Variants in ANKFN1 observed in about 807,000 individuals in gnomAD.
The protein encoded by ANKFN1 is ankyrin repeat and fibronectin type-III domain-containing protein 1.
In ANKFN1, 74 loss-of-function variants were observed where a neutral mutation model predicts 108.7. The observed-to-expected ratio is 0.68, with a 90% CI of 0.56 to 0.83. ANKFN1 has a LOEUF of 0.83. Ranked by LOEUF, ANKFN1 falls within the 40% of genes least tolerant of loss-of-function variation. The pLI is 0.00. For synonymous variants in ANKFN1, 547 were observed against 516.2 expected (o/e 1.06, Z -0.81); for missense variants, 1,505 against 1,382.3 (o/e 1.09, Z -1.41).
At chr17:56,457,434 T>C in intron 13 of ANKFN1, 45 bp downstream of exon 13, 4 of 1,524,548 alleles carry the variant, frequency 2.6e-6, no homozygotes, top group Non-Finnish European at 3.5e-6. Flanking sequence ...TGTACCAATG[T>C]TACTGCACAA....
chr17:56,144,062 AG>A (rs1908087609), intron 4 of ANKFN1, among the ~76,000 whole-genome samples: 4 of 149,658 alleles, frequency 2.7e-5, no homozygotes, highest in African/African-American at 7.4e-5. Context: ...TTATCACAAG[AG>A]CTGTGTGCTC....
chr17:56,432,902 C>T (rs1203589971), intron 8 of ANKFN1, among the ~76,000 whole-genome samples: 1 of 152,142 alleles, frequency 6.6e-6, no homozygotes, highest in Non-Finnish European at 1.5e-5. Context: ...GATACATCCA[C>T]CTTCCAAAAT....
intron 4 of ANKFN1, among the ~76,000 whole-genome samples, chr17:56,124,776 TG>T (rs1906827000): frequency 6.6e-6 from 1 of 152,242 alleles, no homozygotes; most frequent in Non-Finnish European, 1.5e-5. Flanking sequence ...GGCCTGCCTT[TG>T]GGATTATTCA....
chr17:56,138,634 C>T (rs143208485), intron 4 of ANKFN1, among the ~76,000 whole-genome samples: 2,537 of 151,910 alleles, frequency 0.017, 83 homozygotes, highest in African/African-American at 0.059. Context: ...CTCACCCTCC[C>T]CAATAGCTGG....
At position 56,493,017 on chromosome 17, in the gene ANKFN1, A is replaced by G. The variant is rs536745472; in HGVS notation, c.2427+664A>G. Among the ~76,000 whole-genome samples the G allele has an allele frequency of 3.8e-4, 58 of 152,252 alleles. No individual in the cohort carries two copies. The South Asian group carries it at 0.011, about 29-fold the overall frequency. ...AATCTTTCTGTCCATCAGTTACTCA[A>G]TTCACAAAATGAGTAGAATAGCAAT... On this transcript the variant is annotated intron_variant, in intron 19 of 20. Coordinates refer to ENST00000682825, the MANE Select transcript of ANKFN1 (RefSeq NM_001370326.1).
At chr17:56,063,516 A>G (rs1030138852) in intron 4 of ANKFN1, among the ~76,000 whole-genome samples, 1 of 149,830 alleles carries the variant, frequency 6.7e-6, no homozygotes, top group African/African-American at 2.5e-5. Flanking sequence ...AAACTCTGAT[A>G]TCCTTTCTTC....
chr17:56,203,896 G>A (rs1368544960), intron 1 of ANKFN1, among the ~76,000 whole-genome samples: 3 of 152,184 alleles, frequency 2.0e-5, no homozygotes, highest in Non-Finnish European at 4.4e-5. Flanking sequence ...AGCAAAGGAA[G>A]CTCGTAGTGG....
intron 19 of ANKFN1, among the ~76,000 whole-genome samples, chr17:56,497,399 C>A (rs2051233326): frequency 3.3e-5 from 5 of 152,088 alleles, no homozygotes; most frequent in Admixed American, 3.3e-4. Context: ...ACAGGAGTGG[C>A]AAGAACTAGA....
At chr17:56,320,662 T>C (rs2045338682) in intron 3 of ANKFN1, among the ~76,000 whole-genome samples, 1 of 152,082 alleles carries the variant, frequency 6.6e-6, no homozygotes. Context: ...AAGAAGGCTT[T>C]TCAGAAGCAT....
At chr17:56,100,138 G>A (rs1407245924) in intron 4 of ANKFN1, among the ~76,000 whole-genome samples, 1 of 152,214 alleles carries the variant, frequency 6.6e-6, no homozygotes, top group Non-Finnish European at 1.5e-5. Context: ...CCACAATTCT[G>A]CTGCAAAATG....
At chr17:56,152,258 ATATATG>A (rs1215647438), upstream of ANKFN1, among the ~76,000 whole-genome samples, 410 of 84,472 alleles carry the variant, frequency 4.9e-3, 2 homozygotes, top group African/African-American at 0.013. Flanking sequence ...ATATATATAT[ATATATG>A]TGTGTGTGTG....
At chr17:56,177,043 C>A (rs922480878) in intron 1 of ANKFN1, among the ~76,000 whole-genome samples, 1 of 152,172 alleles carries the variant, frequency 6.6e-6, no homozygotes, top group African/African-American at 2.4e-5. Flanking sequence ...CCAACTTTGC[C>A]CTCCTTGACT....
intron 4 of ANKFN1, among the ~76,000 whole-genome samples, chr17:56,113,279 A>G (rs1906078549): frequency 6.6e-6 from 1 of 152,128 alleles, no homozygotes; most frequent in Non-Finnish European, 1.5e-5. Context: ...TGGGTAATAA[A>G]CCTTCAGATG....
rs1481904350 is a variant in ANKFN1, at chr17:56,499,023, A to G, written c.2569A>G (p.Thr857Ala). The change falls in exon 20 of 21, where the codon ACA becomes GCA. Residue 857 changes from threonine to alanine, a missense_variant. By Grantham distance (58) the Thr-to-Ala change is moderately conservative (BLOSUM62 0). Coordinates refer to ENST00000682825, the MANE Select transcript of ANKFN1 (RefSeq NM_001370326.1). ...GCAGAGCCTAAAGAAGATCAATTCT[A>G]CATCATCATCACATATAGACTGTCT... ...DEQSLKKINS[T>A]SSSHIDCLPS... 3.3e-6 allele frequency: 5 copies of G among 1,535,762 alleles called. No homozygotes were observed. Among genetic ancestry groups the G allele is most frequent in the Admixed American group, 2.0e-5 (1 of 50,972 alleles).
intron 14 of ANKFN1, among the ~76,000 whole-genome samples, chr17:56,460,893 G>A (rs895444683): frequency 1.3e-5 from 2 of 151,978 alleles, no homozygotes; most frequent in Non-Finnish European, 2.9e-5. Flanking sequence ...TTTCTCCACT[G>A]ACATCTCCAT....
At chr17:56,311,722 TATAAAATTACCTTCAGGGTATTTGC>T (rs2045032043) in intron 3 of ANKFN1, among the ~76,000 whole-genome samples, 1 of 152,244 alleles carries the variant, frequency 6.6e-6, no homozygotes, top group Non-Finnish European at 1.5e-5. Context: ...AAAAGTGTTG[TATAAAATTACCTTCAGGGTATTTGC>T]ATTGGGTGTA....
intron 1 of ANKFN1, among the ~76,000 whole-genome samples, chr17:56,205,493 G>C (rs1914456129): frequency 6.6e-6 from 1 of 152,148 alleles, no homozygotes; most frequent in African/African-American, 2.4e-5. Context: ...CCTTTCTCTT[G>C]ATACTTAAAT....
intron 15 of ANKFN1, among the ~76,000 whole-genome samples, chr17:56,467,756 AAAG>A (rs2050131227): frequency 3.2e-5 from 1 of 31,156 alleles, no homozygotes; most frequent in African/African-American, 1.3e-4. Flanking sequence ...AGAAAGAAAG[AAAG>A]AAAGAAAGAA....
chr17:56,204,344 C>G (rs1274488074), intron 1 of ANKFN1, among the ~76,000 whole-genome samples: 1 of 151,288 alleles, frequency 6.6e-6, no homozygotes, highest in Non-Finnish European at 1.5e-5. Flanking sequence ...CCACGCCCAG[C>G]CTATTTTTAT....
Sources: gnomAD v4.1 joint callset for allele counts (sites outside exome capture counted in the v4.1 genomes callset) on GRCh38, gnomAD v4.1.1 for gene constraint, MANE v1.5 for transcripts, NCBI Gene and HGNC (gene_info 2026-07-23, HGNC 2026-07-21) for gene names.